The following ESPNL variants were observed in gnomAD, a reference collection of about 807,000 sequenced individuals.
ESPNL encodes espin-like protein.
In ESPNL, 49 loss-of-function variants were observed where a neutral mutation model predicts 46.8. The ratio of observed to expected loss-of-function variants is 1.05; its 90% CI spans 0.83 to 1.33. ESPNL has a LOEUF of 1.33. Ranked by LOEUF, ESPNL falls within the 40% of genes most tolerant of loss-of-function variation. ESPNL has a pLI of 0.00. For synonymous variants in ESPNL, 664 were observed against 662.1 expected (o/e 1.00, Z -0.04); for missense variants, 1,540 against 1,436.6 (o/e 1.07, Z -1.16).
chr2:238,129,285 G>T, intron 8 of ESPNL: 2 of 1,102,312 alleles, frequency 1.8e-6, no homozygotes, highest in Non-Finnish European at 2.2e-6. Context: ...AAGCAAAGCA[G>T]TTGGGGGACT....
rs748336517 is a variant in ESPNL, at chr2:238,130,292, TGA to T, written c.1582_1583del (p.Ser528Ter). The T allele has an allele frequency of 6.2e-7, 1 of 1,607,528 alleles. No individual in the cohort carries two copies. The highest frequency in any genetic ancestry group is 1.1e-5 in the South Asian group (1 of 90,132). ...LQLRRRCQEY[E>X]SELGRLAAEL... ...AGCTTCGGCGCCGCTGTCAGGAGTA[TGA>T]GAGTGAGCTGGGCCGGTTGGCGGCT... is the stretch of plus-strand genomic sequence containing the variant. On this transcript the variant is annotated frameshift_variant, in exon 9 of 9. Transcript: ENST00000343063. LOFTEE classifies it low-confidence loss of function (END_TRUNC).
intron 1 of ESPNL, 31 bp downstream of exon 1, chr2:238,100,744 G>A (rs141497637): frequency 0.017 from 24,197 of 1,395,872 alleles, 265 homozygotes; most frequent in Middle Eastern, 0.041. Flanking sequence ...CTGGCTCCAC[G>A]AAGCTGGCTG....
chr2:238,128,876 T>G lies in ESPNL; in HGVS notation c.1385T>G (p.Leu462Arg). 2 of 1,544,792 alleles carry G rather than the reference T, an allele frequency of 1.3e-6. No homozygotes were observed. Among genetic ancestry groups the G allele is most frequent in the Non-Finnish European group, 1.7e-6 (2 of 1,146,524 alleles). The stretch of plus-strand genomic sequence containing the variant: ...ATGGTGCGGAAGCTGCAGGCGCGCC[T>G]GGGCGCAGAGAGCTCCGCAGAGGCC... Reference protein sequence around the residue: ...QVMVRKLQARLGAESSAEAQD... With the variant: ...QVMVRKLQARRGAESSAEAQD... The change falls in exon 8 of 9, where the codon CTG becomes CGG. Residue 462 changes from leucine to arginine, a missense_variant. Physicochemically the swap from Leu to Arg is moderately radical, Grantham distance 102. Coordinates refer to ENST00000343063, the MANE Select transcript of ESPNL (RefSeq NM_194312.4).
chr2:238,106,361 G>A lies in ESPNL; in HGVS notation c.673-1430G>A, dbSNP rs151250413. Among the ~76,000 whole-genome samples the A allele has an allele frequency of 6.6e-3, 998 of 152,284 alleles. 2 individuals carry two copies. The highest frequency in any genetic ancestry group is 0.016 in the African/African-American group (648 of 41,554). On this transcript the variant is annotated intron_variant, in intron 3 of 8. Coordinates refer to ENST00000343063, the MANE Select transcript of ESPNL (RefSeq NM_194312.4). ...CGTGTCCCCGGGCGCTCGGGATGGC[G>A]CTGGCCTGCTCCCCGTGGCCCCAAG...
At position 238,121,757 on chromosome 2, in the gene ESPNL, C is replaced by T. The variant is rs1174103813; in HGVS notation, c.988-3513C>T. Among the ~76,000 whole-genome samples the T allele has an allele frequency of 3.3e-5, 5 of 152,240 alleles. No individual in the cohort carries two copies. In the East Asian group the frequency reaches 9.6e-4, roughly 29 times the overall value. On this transcript the variant is annotated intron_variant, in intron 5 of 8. Coordinates refer to ENST00000343063, the MANE Select transcript of ESPNL (RefSeq NM_194312.4). ...TCGAGCACCCAATGAGGCGCCTGCC[C>T]TGGTGGGCCCTCCGGACAGGTGTAC...
At chr2:238,123,871 G>A (rs188494248) in intron 5 of ESPNL, among the ~76,000 whole-genome samples, 14 of 152,234 alleles carry the variant, frequency 9.2e-5, no homozygotes, top group Non-Finnish European at 1.3e-4. Context: ...TCCCTTCCCC[G>A]TGGCCCAGTG....
chr2:238,108,508 C>G (rs1025679587), intron 4 of ESPNL, among the ~76,000 whole-genome samples: 3 of 152,172 alleles, frequency 2.0e-5, no homozygotes, highest in Admixed American at 2.0e-4. Flanking sequence ...GGTGCCCACC[C>G]GATGTCGACC....
chr2:238,130,230 G>A lies in ESPNL; in HGVS notation c.1516G>A (p.Asp506Asn), dbSNP rs761272526. The A allele has an allele frequency of 6.2e-7, 1 of 1,611,578 alleles. No homozygotes were observed. Among genetic ancestry groups the A allele is most frequent in the South Asian group, 1.1e-5 (1 of 90,664 alleles). The change falls in exon 9 of 9, where the codon GAC becomes AAC. Residue 506 changes from aspartate (D) to asparagine (N), a missense_variant. Physicochemically the swap from Asp to Asn is conservative, Grantham distance 23. Coordinates refer to ENST00000343063, the MANE Select transcript of ESPNL (RefSeq NM_194312.4). ...CTTTGGGGAGCTGCTGACAGAGGATGACCTGGTCTACCTGGAGAAGCAGAT... is the reference window on the plus strand; with the variant it reads ...CTTTGGGGAGCTGCTGACAGAGGATAACCTGGTCTACCTGGAGAAGCAGAT... ...GPFGELLTED[D>N]LVYLEKQIAD... is the part of the protein sequence containing the mutation.
At position 238,104,787 on chromosome 2, in the gene ESPNL, T is replaced by C; in HGVS notation, c.617T>C (p.Met206Thr). 1 of 1,589,304 alleles carries C rather than the reference T, an allele frequency of 6.3e-7. No individual in the cohort carries two copies. ...ADVHLRALDGMSALHAAAARG... is the reference protein window; with the variant it reads ...ADVHLRALDGTSALHAAAARG... The stretch of plus-strand genomic sequence containing the variant: ...GTGCACCTTCGTGCTCTCGATGGCA[T>C]GAGCGCCCTGCACGCTGCCGCCGCC... The change falls in exon 3 of 9, where the codon ATG becomes ACG. Residue 206 changes from methionine (M) to threonine (T), a missense_variant. Transcript: ENST00000343063.
intron 2 of ESPNL, among the ~76,000 whole-genome samples, chr2:238,103,444 A>C (rs1473514558): frequency 1.3e-5 from 2 of 151,400 alleles, no homozygotes; most frequent in Non-Finnish European, 2.9e-5. Context: ...AAAGAAGAAA[A>C]CCAGGAGGCT....
chr2:238,118,621 GGTGGATGGAGGAGGAATGGATGGAGGAGA>G (rs1691885150), intron 5 of ESPNL, among the ~76,000 whole-genome samples: 2 of 139,822 alleles, frequency 1.4e-5, no homozygotes, highest in Non-Finnish European at 3.1e-5. Context: ...GATGGAGGAG[GGTGGATGGAGGAGGAATGGATGGAGGAGA>G]GTGGTTGGAG....
At chr2:238,121,350 G>A (rs1161092610) in intron 5 of ESPNL, among the ~76,000 whole-genome samples, 1 of 152,228 alleles carries the variant, frequency 6.6e-6, no homozygotes, top group Non-Finnish European at 1.5e-5. Context: ...CCACCCGCCA[G>A]CACTGGTGCT....
chr2:238,127,433 C>A, intron 6 of ESPNL, 189 bp from the exon 7 acceptor site: 1 of 1,336,334 alleles, frequency 7.5e-7, no homozygotes, highest in Non-Finnish European at 9.5e-7. Context: ...GGGGGCGGGC[C>A]CCACTGACTC....
rs76052040 is a variant in ESPNL, at chr2:238,129,215, C to T, written c.1413+311C>T. ...TGGGCGCAGCGTCTAGCAGGGAAGA[C>T]GGTGGCCCATGGGCAGGTGCCGGCA... On this transcript the variant is annotated intron_variant, in intron 8 of 8. Transcript: ENST00000343063. 89 of 1,283,062 alleles carry T rather than the reference C, an allele frequency of 6.9e-5. No homozygotes were observed. The East Asian group carries it at 2.7e-3, about 39-fold the overall frequency. 79.5% of individuals were successfully genotyped at this position (1,283,062 alleles called of 1,614,324 possible).
intron 5 of ESPNL, among the ~76,000 whole-genome samples, chr2:238,124,664 AGT>A (rs1196744214): frequency 3.5e-5 from 5 of 142,072 alleles, no homozygotes; most frequent in East Asian, 2.1e-4. Flanking sequence ...TGTGCAGGAG[AGT>A]GTACATGTGT....
In ESPNL at chr2:238,133,226, C is replaced by G. The variant is rs1692383327; in HGVS notation, c.*1494C>G. On this transcript the variant is annotated 3_prime_UTR_variant, in exon 9 of 9. Coordinates refer to ENST00000343063, the MANE Select transcript of ESPNL (RefSeq NM_194312.4). Reference sequence around the variant, plus strand: ...CTCCGGCTTCCTCCACTGCTGAAGACCCTGCTGTAGAGCTGAAGCTGAACA... The same window carrying G: ...CTCCGGCTTCCTCCACTGCTGAAGAGCCTGCTGTAGAGCTGAAGCTGAACA... 1 of 152,400 alleles carries G rather than the reference C, an allele frequency of 6.6e-6. No homozygotes were observed. The highest frequency in any genetic ancestry group is 2.1e-4 in the South Asian group (1 of 4,832). The allele number at this position is 152,400 out of a possible 1,614,324, so 9.4% of individuals were successfully genotyped here. A position where few individuals can be genotyped will look rare whatever the true frequency, so the allele number is the denominator to read the frequency against.
intron 5 of ESPNL, among the ~76,000 whole-genome samples, chr2:238,119,120 GT>G (rs1691910952): frequency 1.3e-5 from 1 of 75,552 alleles, no homozygotes; most frequent in African/African-American, 6.4e-5. Flanking sequence ...TGGAGGAGAA[GT>G]GGATGAAGGC....
In ESPNL at chr2:238,133,123, G is replaced by C. The variant is rs1410729311; in HGVS notation, c.*1391G>C. 1 of 152,184 alleles carries C rather than the reference G, an allele frequency of 6.6e-6. No individual in the cohort carries two copies. Among genetic ancestry groups the C allele is most frequent in the African/African-American group, 2.4e-5 (1 of 41,438 alleles). The allele number at this position is 152,184 out of a possible 1,614,324, so 9.4% of individuals were successfully genotyped here. A position where few individuals can be genotyped will look rare whatever the true frequency, so the allele number is the denominator to read the frequency against. On this transcript the variant is annotated 3_prime_UTR_variant, in exon 9 of 9. Coordinates refer to ENST00000343063, the MANE Select transcript of ESPNL (RefSeq NM_194312.4). The stretch of plus-strand genomic sequence containing the variant: ...TGGTATTGGCCATTGGGGCAGGCAG[G>C]GCCGGGAAGGGAAGTAGCACCGGCC...
chr2:238,126,052 GTGTA>G (rs974824662), intron 6 of ESPNL, among the ~76,000 whole-genome samples: 4 of 117,486 alleles, frequency 3.4e-5, no homozygotes, highest in African/African-American at 5.7e-5. Flanking sequence ...TTATGTCTGT[GTGTA>G]TGTGTGTGAT....
Sources: gnomAD v4.1 joint callset for allele counts (sites outside exome capture counted in the v4.1 genomes callset) on GRCh38, gnomAD v4.1.1 for gene constraint, MANE v1.5 for transcripts, NCBI Gene and HGNC (gene_info 2026-07-23, HGNC 2026-07-21) for gene names.